The following MEOX2 variants were observed in gnomAD, a reference collection of about 807,000 sequenced individuals.
MEOX2 encodes homeobox protein MOX-2.
MEOX2 carries 11 observed loss-of-function variants against 27.0 expected under a neutral mutation model. The ratio of observed to expected loss-of-function variants is 0.41; its 90% CI spans 0.26 to 0.68. The LOEUF is 0.68. Ranked by LOEUF, MEOX2 falls within the 30% of genes least tolerant of loss-of-function variation. The pLI, the probability that MEOX2 is intolerant of heterozygous loss-of-function variation, is 0.33. For synonymous variants in MEOX2, 189 were observed against 155.4 expected (o/e 1.22, Z -1.61); for missense variants, 436 against 385.4 (o/e 1.13, Z -1.10).
chr7:15,634,178 C>T (rs1390414060), intron 1 of MEOX2, among the ~76,000 whole-genome samples: 1 of 151,756 alleles, frequency 6.6e-6, no homozygotes, highest in Non-Finnish European at 1.5e-5. Flanking sequence ...AACATATTGC[C>T]CAGAGATTAT....
At chr7:15,673,977 G>A (rs552527034) in intron 1 of MEOX2, among the ~76,000 whole-genome samples, 4 of 151,936 alleles carry the variant, frequency 2.6e-5, no homozygotes, top group East Asian at 1.9e-4. Context: ...ACACACATAC[G>A]CATATATGTG....
intron 2 of MEOX2, among the ~76,000 whole-genome samples, chr7:15,618,039 T>A (rs937169979): frequency 6.6e-6 from 1 of 152,024 alleles, no homozygotes; most frequent in Non-Finnish European, 1.5e-5. Flanking sequence ...AACCTTATAC[T>A]CTCACTCTTC....
In MEOX2 at chr7:15,670,234, G is replaced by A. The variant is rs141748808; in HGVS notation, c.517+15652C>T. Among the ~76,000 whole-genome samples, 86 of 152,198 alleles carry A rather than the reference G, an allele frequency of 5.7e-4. 1 individual carries two copies. The East Asian group carries it at 0.014, about 25-fold the overall frequency. On this transcript the variant is annotated intron_variant, in intron 1 of 2. Coordinates refer to ENST00000262041, the MANE Select transcript of MEOX2 (RefSeq NM_005924.5). ...TTATGTTTAATAATTATTTTAGGAT[G>A]CACTTTGTCCTCTTCAAAACAATGA...
At chr7:15,666,776 A>AG (rs1782014038) in intron 1 of MEOX2, among the ~76,000 whole-genome samples, 1 of 44,832 alleles carries the variant, frequency 2.2e-5, no homozygotes, top group Non-Finnish European at 5.8e-5. Context: ...AAAAAAAAAA[A>AG]AAAATATATA....
intron 1 of MEOX2, among the ~76,000 whole-genome samples, chr7:15,653,281 C>A (rs1016684844): frequency 6.6e-6 from 1 of 151,928 alleles, no homozygotes; most frequent in Non-Finnish European, 1.5e-5. Flanking sequence ...TCTTCATATT[C>A]TGTTTGATAA....
chr7:15,626,155 T>G (rs1781301574), intron 2 of MEOX2, among the ~76,000 whole-genome samples: 1 of 152,148 alleles, frequency 6.6e-6, no homozygotes, highest in African/African-American at 2.4e-5. Flanking sequence ...TAAAGGTCAG[T>G]GCATAAACTT....
At chr7:15,682,986 A>AG (rs1342044555) in intron 1 of MEOX2, among the ~76,000 whole-genome samples, 1 of 152,028 alleles carries the variant, frequency 6.6e-6, no homozygotes, top group Admixed American at 6.6e-5. Context: ...ACATAAAGGA[A>AG]GCCTAAAGTC....
intron 1 of MEOX2, among the ~76,000 whole-genome samples, chr7:15,674,190 T>C (rs1782155944): frequency 6.6e-6 from 1 of 152,158 alleles, no homozygotes; most frequent in South Asian, 2.1e-4. Flanking sequence ...ATTTTAAGTG[T>C]AGAATAATTT....
intron 2 of MEOX2, among the ~76,000 whole-genome samples, chr7:15,615,602 G>A (rs1358294205): frequency 6.6e-6 from 1 of 151,846 alleles, no homozygotes; most frequent in African/African-American, 2.4e-5. Context: ...ATTGTATTTT[G>A]CATTAGATCT....
chr7:15,651,562 A>G (rs1231251297), intron 1 of MEOX2, among the ~76,000 whole-genome samples: 13 of 152,002 alleles, frequency 8.6e-5, no homozygotes, highest in Admixed American at 8.5e-4. Flanking sequence ...ACATTTATTT[A>G]CACAATCCTT....
At chr7:15,639,056 C>G (rs972127346) in intron 1 of MEOX2, among the ~76,000 whole-genome samples, 2 of 152,042 alleles carry the variant, frequency 1.3e-5, no homozygotes, top group Non-Finnish European at 2.9e-5. Context: ...AATCTCCATA[C>G]TGTTTTCTAT....
intron 1 of MEOX2, among the ~76,000 whole-genome samples, chr7:15,661,143 G>T (rs531523008): frequency 6.6e-5 from 10 of 151,910 alleles, no homozygotes; most frequent in African/African-American, 2.4e-4. Context: ...TGGGTTAAGG[G>T]AAATATTAAA....
At chr7:15,629,863 T>A (rs1288429438) in intron 1 of MEOX2, among the ~76,000 whole-genome samples, 1 of 151,988 alleles carries the variant, frequency 6.6e-6, no homozygotes, top group Non-Finnish European at 1.5e-5. Context: ...TGGTAGAAAA[T>A]GGATGGAAGA....
intron 1 of MEOX2, among the ~76,000 whole-genome samples, chr7:15,665,950 A>G (rs1307747470): frequency 6.6e-6 from 1 of 151,982 alleles, no homozygotes; most frequent in Non-Finnish European, 1.5e-5. Flanking sequence ...TAGGGGTGCC[A>G]CTTTCTGAGC....
chr7:15,677,397 G>T (rs1782213596), intron 1 of MEOX2: 1 of 152,178 alleles, frequency 6.6e-6, no homozygotes, highest in Admixed American at 6.5e-5. Context: ...CACAGCGGGG[G>T]TTTAGCCCTA....
At chr7:15,654,921 C>T (rs987583721) in intron 1 of MEOX2, among the ~76,000 whole-genome samples, 12 of 151,660 alleles carry the variant, frequency 7.9e-5, no homozygotes, top group African/African-American at 2.4e-4. Flanking sequence ...AAAGTACTCT[C>T]TCCTCTGCTA....
At chr7:15,632,518 G>A (rs921531027) in intron 1 of MEOX2, among the ~76,000 whole-genome samples, 6 of 151,766 alleles carry the variant, frequency 4.0e-5, no homozygotes, top group Admixed American at 4.0e-4. Flanking sequence ...ACTAAAAATG[G>A]TGATGAAATT....
chr7:15,632,711 T>C (rs1427069334), intron 1 of MEOX2, among the ~76,000 whole-genome samples: 1 of 151,992 alleles, frequency 6.6e-6, no homozygotes, highest in Non-Finnish European at 1.5e-5. Flanking sequence ...TTCAAAGCAC[T>C]TAACACAAAA....
intron 1 of MEOX2, among the ~76,000 whole-genome samples, chr7:15,671,684 G>A (rs1172801452): frequency 2.0e-5 from 3 of 152,150 alleles, no homozygotes; most frequent in Non-Finnish European, 4.4e-5. Context: ...AGAGTGACAT[G>A]ACACAGGTAT....
Sources: allele counts gnomAD v4.1 joint callset (sites outside exome capture counted in the v4.1 genomes callset), GRCh38; gene constraint gnomAD v4.1.1; transcripts MANE v1.5; gene names NCBI Gene and HGNC (gene_info 2026-07-23, HGNC 2026-07-21).